Variants in WNT3A observed in about 807,000 individuals in gnomAD.
WNT3A encodes protein Wnt-3a.
WNT3A carries 17 observed loss-of-function variants against 37.0 expected under a neutral mutation model. That is an observed-to-expected ratio of 0.46 (90% CI 0.31 to 0.69). The LOEUF is 0.69. Ranked by LOEUF, WNT3A falls within the 30% of genes least tolerant of loss-of-function variation. WNT3A has a pLI of 0.05. For missense variants in WNT3A, 411 were observed against 510.2 expected (o/e 0.81, Z 1.87); for synonymous variants, 187 against 211.0 (o/e 0.89, Z 0.99).
In WNT3A at chr1:228,031,599, T is replaced by A. The variant is rs1171123994; in HGVS notation, c.313+8691T>A. On this transcript the variant is annotated intron_variant, in intron 2 of 3. Transcript: ENST00000284523. The surrounding 1 kb of genome is among the most constrained non-coding windows in gnomAD (Gnocchi z 4.8). ...GGTGTGTGGGGTGTGTGCCTGTGCA[T>A]GTGTGTGCATGTGTATGTGTCAGGT... Among the ~76,000 whole-genome samples, 1 of 152,100 alleles carries A rather than the reference T, an allele frequency of 6.6e-6. No homozygotes were observed. The highest frequency in any genetic ancestry group is 1.5e-5 in the Non-Finnish European group (1 of 68,004).
In WNT3A at chr1:228,038,724, C is replaced by T. The variant is rs539912662; in HGVS notation, c.314-11932C>T. 9.9e-5 allele frequency among the ~76,000 whole-genome samples: 15 copies of T among 152,258 alleles called. No homozygotes were observed. The highest frequency in any genetic ancestry group is 7.2e-4 in the Admixed American group (11 of 15,294). On this transcript the variant is annotated intron_variant, in intron 2 of 3. Transcript: ENST00000284523. This position sits in a 1 kb window ranked among gnomAD's most constrained non-coding sequence, Gnocchi z 5.7. ...GGTGTGGTAATCATACAGGGTGCAG[C>T]GTGCACGGGGGGCTGTGTTCGCTGT...
intron 2 of WNT3A, among the ~76,000 whole-genome samples, chr1:228,023,658 T>A (rs940430647): frequency 8.5e-5 from 13 of 152,094 alleles, no homozygotes; most frequent in African/African-American, 3.1e-4. Context: ...CATCTTTTTT[T>A]AAAAAGTTGA....
intron 1 of WNT3A, among the ~76,000 whole-genome samples, chr1:228,009,656 C>G (rs2030313292): frequency 1.3e-5 from 2 of 152,348 alleles, no homozygotes; most frequent in South Asian, 2.1e-4. Flanking sequence ...ATTCTCCCCC[C>G]TCCACCATCA....
intron 3 of WNT3A, among the ~76,000 whole-genome samples, chr1:228,052,543 A>G (rs2031577116): frequency 6.6e-6 from 1 of 152,222 alleles, no homozygotes; most frequent in African/African-American, 2.4e-5. Context: ...GTGGATGGCC[A>G]AGGGAGGAAA....
At chr1:228,049,812 G>T (rs975145625) in intron 2 of WNT3A, among the ~76,000 whole-genome samples, 22 of 152,090 alleles carry the variant, frequency 1.4e-4, no homozygotes, top group Non-Finnish European at 1.0e-4. Context: ...TAAAGACAGG[G>T]TCTTGCTCTA....
At chr1:228,051,965 C>G (rs937852450) in intron 3 of WNT3A, among the ~76,000 whole-genome samples, 1 of 152,116 alleles carries the variant, frequency 6.6e-6, no homozygotes, top group Admixed American at 6.5e-5. Context: ...GGATCTGCCC[C>G]CATAACCCAA....
chr1:228,015,196 G>A (rs1222455808), intron 1 of WNT3A, among the ~76,000 whole-genome samples: 5 of 152,182 alleles, frequency 3.3e-5, no homozygotes, highest in Non-Finnish European at 1.5e-5. Context: ...ATGATCACAC[G>A]ATGGTTCCAC....
chr1:228,057,928 C>T (rs865869796), intron 3 of WNT3A, among the ~76,000 whole-genome samples: 3 of 152,180 alleles, frequency 2.0e-5, no homozygotes, highest in Non-Finnish European at 4.4e-5. Context: ...GCTGCCTCCC[C>T]CTCCTGGCTC....
chr1:228,041,519 TCATCCATCCATC>T lies in WNT3A; in HGVS notation c.314-9114_314-9103del, dbSNP rs10555310. Among the ~76,000 whole-genome samples, 29 of 150,558 alleles carry T rather than the reference TCATCCATCCATC, an allele frequency of 1.9e-4. No homozygotes were observed. The East Asian group carries it at 2.6e-3, about 13-fold the overall frequency. On this transcript the variant is annotated intron_variant, in intron 2 of 3. Transcript: ENST00000284523. The stretch of plus-strand genomic sequence containing the variant: ...ATCCATCATCCATCTATCCATCAAT[TCATCCATCCATC>T]CATCCATCCATCCATCCATCCACCA...
rs564123173 is a variant in WNT3A, at chr1:228,058,923, T to G, written c.580-63T>G. The G allele has an allele frequency of 1.2e-5, 17 of 1,475,636 alleles. No homozygotes were observed. In the East Asian group the frequency reaches 3.8e-4, roughly 33 times the overall value. 91.4% of individuals were successfully genotyped at this position (1,475,636 alleles called of 1,614,324 possible). ...GTAGGCTGCAGGCGACATGTAATGC[T>G]GTTTCCTCGGGGAGACGCACCAGGG... On this transcript the variant is annotated intron_variant, in intron 3 of 3. Transcript: ENST00000284523.
intron 2 of WNT3A, among the ~76,000 whole-genome samples, chr1:228,024,150 T>C (rs1189068114): frequency 6.6e-6 from 1 of 152,274 alleles, no homozygotes; most frequent in Non-Finnish European, 1.5e-5. Context: ...TTTTGGTTTC[T>C]GTATCTAGGA....
rs1178171362 is a variant in WNT3A, at chr1:228,008,876, C to T, written c.71+1677C>T. On this transcript the variant is annotated intron_variant, in intron 1 of 3. Coordinates refer to ENST00000284523, the MANE Select transcript of WNT3A (RefSeq NM_033131.4). The surrounding 1 kb of genome is among the most constrained non-coding windows in gnomAD (Gnocchi z 4.9). ...CCTCGGTCCCCATCCACCTCATATG[C>T]ATGTATACCTCCTTTTCACCTGGGC... is the stretch of plus-strand genomic sequence containing the variant. Among the ~76,000 whole-genome samples, 1 of 152,176 alleles carries T rather than the reference C, an allele frequency of 6.6e-6. No individual in the cohort carries two copies. The highest frequency in any genetic ancestry group is 1.5e-5 in the Non-Finnish European group (1 of 68,008).
intron 1 of WNT3A, among the ~76,000 whole-genome samples, chr1:228,020,789 G>T (rs1335727117): frequency 6.6e-6 from 1 of 152,140 alleles, no homozygotes; most frequent in African/African-American, 2.4e-5. Context: ...GGGGATGCAC[G>T]TGGGGTCTGG....
In WNT3A at chr1:228,033,515, A is replaced by G. The variant is rs373474211; in HGVS notation, c.313+10607A>G. Among the ~76,000 whole-genome samples the G allele has an allele frequency of 1.4e-4, 22 of 152,178 alleles. No individual in the cohort carries two copies. The East Asian group carries it at 4.1e-3, about 28-fold the overall frequency. Reference sequence around the variant, plus strand: ...ATCTCTGTGCTCTTTATTCTATTCCATTGTTCCATATGTCTGTCTTTATGC... The same window carrying G: ...ATCTCTGTGCTCTTTATTCTATTCCGTTGTTCCATATGTCTGTCTTTATGC... On this transcript the variant is annotated intron_variant, in intron 2 of 3. Transcript: ENST00000284523.
chr1:228,050,050 A>G lies in WNT3A; in HGVS notation c.314-606A>G, dbSNP rs931687534. ...CACCTCTGCCTCCCAAAGGGCTGGG[A>G]TTACAGATGTAAGCCACCTTGCCAG... On this transcript the variant is annotated intron_variant, in intron 2 of 3. Transcript: ENST00000284523. This position sits in a 1 kb window ranked among gnomAD's most constrained non-coding sequence, Gnocchi z 5.0. 6.6e-6 allele frequency among the ~76,000 whole-genome samples: 1 copy of G among 151,372 alleles called. No individual in the cohort carries two copies. Among genetic ancestry groups the G allele is most frequent in the Non-Finnish European group, 1.5e-5 (1 of 67,936 alleles).
At chr1:228,036,731 G>T (rs901099522) in intron 2 of WNT3A, among the ~76,000 whole-genome samples, 8 of 152,210 alleles carry the variant, frequency 5.3e-5, no homozygotes, top group African/African-American at 1.9e-4. Context: ...CTTCCCTGCA[G>T]AGCTGGAGAC....
At chr1:228,015,713 C>CA (rs1419980884) in intron 1 of WNT3A, among the ~76,000 whole-genome samples, 1 of 150,950 alleles carries the variant, frequency 6.6e-6, no homozygotes, top group Non-Finnish European at 1.5e-5. Flanking sequence ...GCCTCCCCCC[C>CA]ACCCCCGCCG....
At chr1:228,047,569 C>G (rs917987676) in intron 2 of WNT3A, among the ~76,000 whole-genome samples, 1 of 152,168 alleles carries the variant, frequency 6.6e-6, no homozygotes, top group Admixed American at 6.5e-5. Context: ...TCCTAGGCAG[C>G]CTGCAACCAC....
chr1:228,012,366 G>A (rs550965475), intron 1 of WNT3A, among the ~76,000 whole-genome samples: 1 of 152,360 alleles, frequency 6.6e-6, no homozygotes, highest in African/African-American at 2.4e-5. Flanking sequence ...ACAGAAATGG[G>A]AATTTAAAAA....
Sources: gnomAD v4.1 joint callset for allele counts (sites outside exome capture counted in the v4.1 genomes callset) on GRCh38, gnomAD v4.1.1 for gene constraint, Gnocchi (gnomAD v3.1) non-coding constraint, MANE v1.5 for transcripts, NCBI Gene and HGNC (gene_info 2026-07-23, HGNC 2026-07-21) for gene names.